The following SLC25A43 variants were observed in gnomAD, a reference collection of about 807,000 sequenced individuals.
SLC25A43 encodes the protein solute carrier family 25 member 43, also known as solute carrier family 25, member 43.
Under a neutral mutation model 22.8 loss-of-function variants are expected in SLC25A43, and 10 were observed. That is an observed-to-expected ratio of 0.44 (90% CI 0.27 to 0.74). The LOEUF is 0.74. SLC25A43 is among the 30% of genes least tolerant of loss of function. The pLI is 0.17. For synonymous variants in SLC25A43, 106 were observed against 121.6 expected (o/e 0.87, Z 0.84); for missense variants, 233 against 279.1 (o/e 0.83, Z 1.18).
intron 3 of SLC25A43, among the ~76,000 whole-genome samples, chrX:119,444,872 G>A (rs770030819): frequency 8.4e-5 from 9 of 106,869 alleles, no homozygotes; most frequent in Non-Finnish European, 1.4e-4. Flanking sequence ...CTGTCTCTAC[G>A]AAAAATACAA....
intron 3 of SLC25A43, among the ~76,000 whole-genome samples, chrX:119,442,520 C>T (rs1480718430): frequency 8.9e-6 from 1 of 111,871 alleles, no homozygotes; most frequent in Non-Finnish European, 1.9e-5. Context: ...CTTACATTAG[C>T]AGGAGGAACT....
At chrX:119,403,790 A>C (rs1355137538) in intron 1 of SLC25A43, among the ~76,000 whole-genome samples, 1 of 110,842 alleles carries the variant, frequency 9.0e-6, no homozygotes, top group African/African-American at 3.3e-5. Flanking sequence ...CTCACACCAC[A>C]ACAACAACCC....
intron 2 of SLC25A43, among the ~76,000 whole-genome samples, chrX:119,409,329 C>T (rs766042746): frequency 9.2e-6 from 1 of 108,665 alleles, no homozygotes; most frequent in African/African-American, 3.3e-5. Flanking sequence ...TACAGGCACG[C>T]ACCTCCACGC....
At chrX:119,409,481 C>T (rs889064650) in intron 2 of SLC25A43, among the ~76,000 whole-genome samples, 1 of 106,197 alleles carries the variant, frequency 9.4e-6, no homozygotes, top group Non-Finnish European at 1.9e-5. Context: ...GCTGGGATTA[C>T]AGGCGTGAGT....
At chrX:119,426,560 C>T (rs916106538) in intron 3 of SLC25A43, among the ~76,000 whole-genome samples, 3 of 111,942 alleles carry the variant, frequency 2.7e-5, no homozygotes, top group Non-Finnish European at 5.6e-5. Context: ...CGGCGACTCA[C>T]GCCTGTAATC....
intron 3 of SLC25A43, among the ~76,000 whole-genome samples, chrX:119,430,383 C>T (rs894198299): frequency 8.9e-6 from 1 of 112,350 alleles, no homozygotes; most frequent in Non-Finnish European, 1.9e-5. Flanking sequence ...ATTATTATTA[C>T]CCCATTTTAC....
At chrX:119,442,651 G>C (rs907499261) in intron 3 of SLC25A43, among the ~76,000 whole-genome samples, 1 of 111,888 alleles carries the variant, frequency 8.9e-6, no homozygotes, top group Admixed American at 9.5e-5. Flanking sequence ...AATGCTAAAG[G>C]AAACACTTTA....
chrX:119,450,919 T>G (rs928392193), intron 3 of SLC25A43, among the ~76,000 whole-genome samples: 4 of 112,039 alleles, frequency 3.6e-5, no homozygotes, highest in Non-Finnish European at 7.5e-5. Context: ...TCCTAGCACT[T>G]TGGGAGGCCA....
At chrX:119,413,465 G>A (rs1203568287) in intron 3 of SLC25A43, among the ~76,000 whole-genome samples, 1 of 111,566 alleles carries the variant, frequency 9.0e-6, no homozygotes, top group Non-Finnish European at 1.9e-5. Flanking sequence ...CAGCACTTTG[G>A]GGGGCCGAGG....
At chrX:119,400,708 G>A (rs1251514209) in intron 1 of SLC25A43, among the ~76,000 whole-genome samples, 6 of 112,353 alleles carry the variant, frequency 5.3e-5, no homozygotes, top group Non-Finnish European at 1.1e-4. Flanking sequence ...CAAGCCGAAC[G>A]GAATCATCCT....
chrX:119,451,312 C>T (rs780598478), intron 3 of SLC25A43, among the ~76,000 whole-genome samples: 1 of 111,885 alleles, frequency 8.9e-6, no homozygotes, highest in Admixed American at 9.5e-5. Context: ...TCACTGAAGC[C>T]GAAGGCCAGA....
chrX:119,413,472 G>A (rs929849234), intron 3 of SLC25A43, among the ~76,000 whole-genome samples: 2 of 111,533 alleles, frequency 1.8e-5, no homozygotes, highest in African/African-American at 6.5e-5. Context: ...TTGGGGGGCC[G>A]AGGCGGGTGG....
chrX:119,400,596 T>G (rs899202866), intron 1 of SLC25A43, among the ~76,000 whole-genome samples: 1 of 112,224 alleles, frequency 8.9e-6, no homozygotes, highest in African/African-American at 3.2e-5. Flanking sequence ...GAGTCGGTCT[T>G]GACCGCATAG....
intron 3 of SLC25A43, among the ~76,000 whole-genome samples, chrX:119,422,233 G>T (rs985165110): frequency 1.7e-4 from 19 of 111,641 alleles, no homozygotes; most frequent in African/African-American, 6.2e-4. Context: ...CCTTTTAAAT[G>T]ATGCTGTTAG....
rs1167667512 is a variant in SLC25A43, at chrX:119,445,144, C to CCA, written c.691-6862_691-6861dup. Among the ~76,000 whole-genome samples, 3 of 109,835 alleles carry CCA rather than the reference C, an allele frequency of 2.7e-5. No individual in the cohort carries two copies. In the Admixed American group the frequency reaches 2.9e-4, roughly 11 times the overall value. ...ATCCAGGTCTGTGTGATGCTGAAGC[C>CCA]CACAGGCAGAAGATTCGCACTCTAC... is the stretch of plus-strand genomic sequence containing the variant. On this transcript the variant is annotated intron_variant, in intron 3 of 4. Coordinates refer to ENST00000217909, the MANE Select transcript of SLC25A43 (RefSeq NM_145305.3).
intron 3 of SLC25A43, among the ~76,000 whole-genome samples, chrX:119,445,038 C>CAAAA (rs780253357): frequency 5.6e-5 from 2 of 35,530 alleles, no homozygotes; most frequent in Non-Finnish European, 9.6e-5. Context: ...ACCCTGTCTC[C>CAAAA]AAAAAAAAAA....
chrX:119,431,188 A>G (rs1454714470), intron 3 of SLC25A43, among the ~76,000 whole-genome samples: 1 of 112,094 alleles, frequency 8.9e-6, no homozygotes, highest in Non-Finnish European at 1.9e-5. Flanking sequence ...CTCTTTCATG[A>G]GGCTTTTGTG....
rs955638639 is a variant in SLC25A43, at chrX:119,406,408, C to G, written c.276-52C>G. On this transcript the variant is annotated intron_variant, in intron 1 of 4. Transcript: ENST00000217909. ...ATTTCAAGAACTAGTGGAGAGAACT[C>G]TAGCACAATCCATAGTTGATTTCTC... The G allele has an allele frequency of 9.2e-6, 11 of 1,191,132 alleles. No homozygotes were observed. The African/African-American group carries it at 1.9e-4, about 21-fold the overall frequency.
At chrX:119,410,136 C>T in intron 2 of SLC25A43, 54 bp from the exon 3 acceptor site, 1 of 1,168,105 alleles carries the variant, frequency 8.6e-7, no homozygotes, top group Non-Finnish European at 1.2e-6. Flanking sequence ...TTTATGTTCT[C>T]AAGCCAGTGT....
Sources: gnomAD v4.1 joint callset for allele counts (sites outside exome capture counted in the v4.1 genomes callset) on GRCh38, gnomAD v4.1.1 for gene constraint, MANE v1.5 for transcripts, NCBI Gene and HGNC (gene_info 2026-07-23, HGNC 2026-07-21) for gene names.